NAALAD2: variants seen among roughly 807,000 people sequenced by gnomAD.
NAALAD2 encodes N-acetylated-alpha-linked acidic dipeptidase 2.
Under a neutral mutation model 95.6 loss-of-function variants are expected in NAALAD2, and 89 were observed. The observed-to-expected ratio is 0.93, with a 90% CI of 0.78 to 1.11. NAALAD2 has a LOEUF of 1.11. Ranked by LOEUF, NAALAD2 falls within the 50% of genes least tolerant of loss-of-function variation. The pLI is 0.00. For synonymous variants in NAALAD2, 264 were observed against 294.4 expected, an observed-to-expected ratio of 0.90 and a Z score of 1.06; for missense variants, 894 against 872.4, an observed-to-expected ratio of 1.02 and a Z score of -0.31.
At chr11:90,178,260 C>G (rs1185971830) in intron 16 of NAALAD2, 143 bp downstream of exon 16, 1 of 882,574 alleles carries the variant, frequency 1.1e-6, no homozygotes, top group Admixed American at 2.6e-5. Flanking sequence ...AAACTTAAAA[C>G]AAACACCTAT....
intron 18 of NAALAD2, among the ~76,000 whole-genome samples, chr11:90,189,808 A>G (rs1290808716): frequency 6.6e-6 from 1 of 152,086 alleles, no homozygotes; most frequent in Non-Finnish European, 1.5e-5. Flanking sequence ...ACAACTCATC[A>G]GTGAATACTT....
intron 14 of NAALAD2, 117 bp from the exon 15 acceptor site, chr11:90,175,855 T>G: frequency 2.1e-6 from 1 of 480,074 alleles, no homozygotes; most frequent in Admixed American, 3.6e-5. Context: ...ATAAATGTAA[T>G]ATATAATTCC....
At chr11:90,169,204 A>T (rs1952561412) in intron 12 of NAALAD2, 1 of 427,218 alleles carries the variant, frequency 2.3e-6, no homozygotes, top group Admixed American at 4.4e-5. Flanking sequence ...AATTGATATG[A>T]TTCATAACTA....
intron 11 of NAALAD2, 196 bp downstream of exon 11, chr11:90,163,813 G>A: frequency 1.8e-6 from 1 of 552,152 alleles, no homozygotes; most frequent in Non-Finnish European, 3.1e-6. Context: ...CTAGACTGCA[G>A]ACAGAGTTAT....
intron 1 of NAALAD2, 91 bp from the exon 2 acceptor site, chr11:90,135,468 G>T (rs114101427): frequency 2.8e-6 from 2 of 720,574 alleles, no homozygotes; most frequent in Non-Finnish European, 4.3e-6. Flanking sequence ...AGGCTTTTTG[G>T]GGGGAAGGAC....
Position 90,150,568 on chromosome 11 carries a change from T to C in NAALAD2, c.570T>C (p.Ile190=). ...REMGINCTGK[I]VIARYGKIFR... ...TGGGCATCAACTGTACTGGGAAGAT[T>C]GTTATTGCAAGATATGGAAAAATCT... Residue 190 remains isoleucine, a synonymous_variant, in exon 5 of 19, where the codon ATT becomes ATC. Coordinates refer to ENST00000534061, the MANE Select transcript of NAALAD2 (RefSeq NM_005467.4). The C allele has an allele frequency of 6.2e-7, 1 of 1,605,550 alleles. No individual in the cohort carries two copies. The highest frequency in any genetic ancestry group is 8.5e-7 in the Non-Finnish European group (1 of 1,173,432).
upstream of NAALAD2, among the ~76,000 whole-genome samples, chr11:90,133,848 T>C (rs1951393476): frequency 2.0e-5 from 3 of 152,236 alleles, no homozygotes; most frequent in South Asian, 4.1e-4. Context: ...TTTGTTTGTT[T>C]GTTTTTGCCT....
intron 6 of NAALAD2, among the ~76,000 whole-genome samples, chr11:90,157,809 C>T (rs1952164429): frequency 6.6e-6 from 1 of 151,996 alleles, no homozygotes; most frequent in African/African-American, 2.4e-5. Context: ...CAACCTCTGC[C>T]TCCTGGGTTC....
At chr11:90,139,821 G>C (rs1242445989) in intron 2 of NAALAD2, among the ~76,000 whole-genome samples, 1 of 150,840 alleles carries the variant, frequency 6.6e-6, no homozygotes, top group Non-Finnish European at 1.5e-5. Context: ...CACATTTGCA[G>C]GCATAGCTGC....
rs1464767566 is a variant in NAALAD2 at position 90,192,183 on chromosome 11, T to C, written c.*436T>C. On this transcript the variant is annotated 3_prime_UTR_variant, in exon 19 of 19. Transcript: ENST00000534061. ...AAAACAATGATCACAGCAATACTTG[T>C]ATGCATGTTCATTGCAACTTAAAAG... 6.6e-6 allele frequency: 1 copy of C among 152,256 alleles called. No individual in the cohort carries two copies. Among genetic ancestry groups the C allele is most frequent in the African/African-American group, 2.4e-5 (1 of 41,458 alleles). 9.4% of individuals were successfully genotyped at this position (152,256 alleles called of 1,614,324 possible).
rs1468877343 is a variant in NAALAD2, at chr11:90,173,816, C to T, written c.1411-8C>T. 6.2e-7 allele frequency: 1 copy of T among 1,601,070 alleles called. No individual in the cohort carries two copies. The highest frequency in any genetic ancestry group is 8.5e-7 in the Non-Finnish European group (1 of 1,175,382). On this transcript the variant is annotated splice_region_variant and splice_polypyrimidine_tract_variant and intron_variant, in intron 13 of 18. Transcript: ENST00000534061. The stretch of plus-strand genomic sequence containing the variant: ...CCCTAATTTCCAGTATTTGATTTCT[C>T]TTTCCAGATCCCCAGCCCTGATGAT...
At chr11:90,134,863 CCCG>C in intron 1 of NAALAD2, 23 bp downstream of exon 1, 1 of 1,611,692 alleles carries the variant, frequency 6.2e-7, no homozygotes, top group South Asian at 1.1e-5. Flanking sequence ...AACACTCTAC[CCCG>C]ACTCCGGGGC....
rs1289053255 is a variant in NAALAD2, at chr11:90,163,003, A to G, written c.1044A>G (p.Val348=). The G allele has an allele frequency of 1.9e-6, 3 of 1,575,094 alleles. No homozygotes were observed. The Admixed American group carries it at 5.4e-5, about 28-fold the overall frequency. Residue 348 remains valine, a synonymous_variant, in exon 9 of 19, where the codon GTA becomes GTG. Transcript: ENST00000534061. ...ATAAAATTACAAGGATTTACAATGT[A>G]GTTGGAACTATCAGAGGATCTGTGG... ...NINKITRIYN[V]VGTIRGSVEP... is the part of the protein sequence containing the mutation.
chr11:90,132,956 C>T (rs769417951), upstream of NAALAD2, among the ~76,000 whole-genome samples: 5 of 152,118 alleles, frequency 3.3e-5, no homozygotes, highest in Non-Finnish European at 7.4e-5. Flanking sequence ...ATCAACAGTT[C>T]ATTAAGGAGG....
chr11:90,169,966 A>T, intron 12 of NAALAD2, 103 bp from the exon 13 acceptor site: 3 of 769,988 alleles, frequency 3.9e-6, no homozygotes, highest in Non-Finnish European at 6.8e-6. Context: ...TGATTTGAAG[A>T]TCATTATATC....
At chr11:90,177,412 G>GGTTTTAGTTATCGAA (rs1313589121) in intron 15 of NAALAD2, among the ~76,000 whole-genome samples, 4 of 151,024 alleles carry the variant, frequency 2.6e-5, no homozygotes, top group Non-Finnish European at 5.9e-5. Flanking sequence ...GAAGATACAA[G>GGTTTTAGTTATCGAA]GAGAAAATGT....
Position 90,191,635 on chromosome 11 carries a change from ATAT to A in NAALAD2, c.2113_2115del (p.Ile705del), listed in dbSNP as rs1243649480. ...CCTGGAATCTATGATGCTATCTTTG[ATAT>A]TGAAAATAAAGCCAACTCTCGTTTG... On this transcript the variant is annotated inframe_deletion, in exon 19 of 19. Coordinates refer to ENST00000534061, the MANE Select transcript of NAALAD2 (RefSeq NM_005467.4). 2 of 1,607,724 alleles carry A rather than the reference ATAT, an allele frequency of 1.2e-6. No individual in the cohort carries two copies. The highest frequency in any genetic ancestry group is 2.7e-5 in the African/African-American group (2 of 74,722).
intron 14 of NAALAD2, among the ~76,000 whole-genome samples, chr11:90,174,525 T>C (rs2134962407): frequency 6.6e-6 from 1 of 152,170 alleles, no homozygotes; most frequent in Non-Finnish European, 1.5e-5. Context: ...ATTAGGTGTA[T>C]TAATATATAA....
intron 16 of NAALAD2, 115 bp downstream of exon 16, chr11:90,178,232 AT>A (rs1360839643): frequency 7.4e-6 from 9 of 1,209,046 alleles, no homozygotes; most frequent in Non-Finnish European, 1.0e-5. Flanking sequence ...TGCCTTACTT[AT>A]TTTGACTTCT....
Sources: gnomAD v4.1 joint callset for allele counts (sites outside exome capture counted in the v4.1 genomes callset) on GRCh38, gnomAD v4.1.1 for gene constraint, MANE v1.5 for transcripts, NCBI Gene and HGNC (gene_info 2026-07-23, HGNC 2026-07-21) for gene names.